SLC35C1: variants seen among roughly 807,000 people sequenced by gnomAD.
SLC35C1 encodes the protein solute carrier family 35 member C1.
SLC35C1 carries 8 observed loss-of-function variants against 23.2 expected under a neutral mutation model. The ratio of observed to expected loss-of-function variants is 0.35; its 90% CI spans 0.20 to 0.62. The LOEUF (loss-of-function observed/expected upper bound fraction) is 0.62. Among genes scored for constraint, SLC35C1 ranks in the 20% least tolerant of loss-of-function variants. The pLI, the probability that SLC35C1 is intolerant of heterozygous loss-of-function variation, is 0.75. For missense variants in SLC35C1, 422 were observed against 478.6 expected (o/e 0.88, Z 1.10); for synonymous variants, 226 against 225.1 (o/e 1.00, Z -0.04).
intron 1 of SLC35C1, chr11:45,810,456 T>A (rs773952965): frequency 4.1e-6 from 4 of 985,456 alleles, no homozygotes; most frequent in Non-Finnish European, 4.8e-6. Context: ...CACCTTGTAC[T>A]ACTTTATGGA....
rs2085865383 is a variant in SLC35C1, at chr11:45,805,859, T to G, written c.58T>G (p.Ser20Ala). ...CCTGCACATGGCGCTGACCGGGGCCTCAGACCCCTCTGCAGAGGCAGAGGC... is the reference window on the plus strand; with the variant it reads ...CCTGCACATGGCGCTGACCGGGGCCGCAGACCCCTCTGCAGAGGCAGAGGC... ...RILHMALTGA[S>A]DPSAEAEANG... Residue 20 changes from serine (S) to alanine (A), a missense_variant, in exon 1 of 2, where the codon TCA (serine) becomes GCA (alanine). Ser to Ala is a moderately conservative substitution (Grantham distance 99, BLOSUM62 1). Coordinates refer to ENST00000314134, the MANE Select transcript of SLC35C1 (RefSeq NM_018389.5). 5.0e-6 allele frequency: 8 copies of G among 1,614,128 alleles called. No individual in the cohort carries two copies. The East Asian group carries it at 1.8e-4, about 36-fold the overall frequency.
intron 1 of SLC35C1, among the ~76,000 whole-genome samples, chr11:45,808,633 GC>G (rs1314016848): frequency 6.6e-6 from 1 of 152,204 alleles, no homozygotes; most frequent in Non-Finnish European, 1.5e-5. Context: ...GCAGCCCTCT[GC>G]CCCCCTCACC....
In SLC35C1 at chr11:45,811,010, A is replaced by T; in HGVS notation, c.770A>T (p.Asp257Val). 6.2e-7 allele frequency: 1 copy of T among 1,612,920 alleles called. No homozygotes were observed. The highest frequency in any genetic ancestry group is 8.5e-7 in the Non-Finnish European group (1 of 1,180,022). Residue 257 changes from aspartate (D) to valine (V), a missense_variant, in exon 2 of 2, where the codon GAC becomes GTC. Asp to Val is a radical substitution (Grantham distance 152). Transcript: ENST00000314134. ...LLLGELQALRDFAQLGSAHFW... is the reference protein window; with the variant it reads ...LLLGELQALRVFAQLGSAHFW... ...CTCGGGGAGCTTCAGGCCCTGCGTG[A>T]CTTTGCCCAGCTGGGCAGTGCCCAC...
rs1433902068 is a variant in SLC35C1, at chr11:45,812,270, C to G, written c.*935C>G. ...TAGGAGCCTTCCACCCCAGCTGTGT[C>G]TGGCGCCCCTAGATCTCTGCAAGGG... On this transcript the variant is annotated 3_prime_UTR_variant, in exon 2 of 2. Transcript: ENST00000314134. 6 of 290,530 alleles carry G rather than the reference C, an allele frequency of 2.1e-5. No individual in the cohort carries two copies. Among genetic ancestry groups the G allele is most frequent in the African/African-American group, 1.3e-4 (6 of 46,088 alleles). 18.0% of individuals were successfully genotyped at this position (290,530 alleles called of 1,614,324 possible).
At chr11:45,804,351 C>A, upstream of SLC35C1, 1 of 404,550 alleles carries the variant, frequency 2.5e-6, no homozygotes, top group Non-Finnish European at 3.3e-6. Context: ...ATCCCGCGGG[C>A]GCGGCCCAGG....
At position 45,806,031 on chromosome 11, in the gene SLC35C1, C is replaced by A; in HGVS notation, c.230C>A (p.Thr77Asn). The A allele has an allele frequency of 6.2e-7, 1 of 1,613,914 alleles. No individual in the cohort carries two copies. The highest frequency in any genetic ancestry group is 8.5e-7 in the Non-Finnish European group (1 of 1,180,018). Reference protein sequence around the residue: ...SLRLDTPIFVTFYQCLVTTLL... With the variant: ...SLRLDTPIFVNFYQCLVTTLL... The stretch of plus-strand genomic sequence containing the variant: ...CGGCTGGACACCCCCATCTTCGTCA[C>A]CTTCTACCAGTGCCTGGTGACCACG... Residue 77 changes from threonine (T) to asparagine (N), a missense_variant, in exon 1 of 2, where the codon ACC (threonine) becomes AAC (asparagine). By Grantham distance (65) the Thr-to-Asn change is moderately conservative. Transcript: ENST00000314134.
In SLC35C1 at chr11:45,807,377, C is replaced by G. The variant is rs77001485; in HGVS notation, c.535+1041C>G. ...AGCCACATTTCAAGGGCTCAGTAGCCAAATGTGGCTGAGGGCTATGGTATG... is the reference window on the plus strand; with the variant it reads ...AGCCACATTTCAAGGGCTCAGTAGCGAAATGTGGCTGAGGGCTATGGTATG... On this transcript the variant is annotated intron_variant, in intron 1 of 1. Transcript: ENST00000314134. Among the ~76,000 whole-genome samples, 844 of 152,290 alleles carry G rather than the reference C, an allele frequency of 5.5e-3. 12 individuals carry two copies. Among genetic ancestry groups the G allele is most frequent in the African/African-American group, 0.019 (790 of 41,548 alleles).
intron 1 of SLC35C1, chr11:45,809,738 C>T (rs778228889): frequency 5.5e-5 from 54 of 985,110 alleles, no homozygotes; most frequent in Non-Finnish European, 6.5e-5. Context: ...ATCCCTCTGA[C>T]CCCAAAACTT....
At chr11:45,809,736 G>C (rs1442812179) in intron 1 of SLC35C1, 1 of 985,136 alleles carries the variant, frequency 1.0e-6, no homozygotes, top group Non-Finnish European at 1.2e-6. Flanking sequence ...AAATCCCTCT[G>C]ACCCCAAAAC....
At position 45,805,334 on chromosome 11, in the gene SLC35C1, T is replaced by TG; in HGVS notation, c.-467dup. On this transcript the variant is annotated 5_prime_UTR_variant, in exon 1 of 2. Transcript: ENST00000314134. ...AGCTCCCTGTACGCCTCCCTCCCCC[T>TG]GCCCGCCCCTCCCTCCCACAGCCGC... The TG allele has an allele frequency of 5.6e-4, 117 of 209,196 alleles. No homozygotes were observed. Among genetic ancestry groups the TG allele is most frequent in the Middle Eastern group, 2.3e-3 (1 of 436 alleles). 13.0% of individuals were successfully genotyped at this position (209,196 alleles called of 1,614,324 possible).
Position 45,811,295 on chromosome 11 carries a change from C to T in SLC35C1, c.1055C>T (p.Pro352Leu), listed in dbSNP as rs200843978. The change falls in exon 2 of 2, where the codon CCC becomes CTC. Residue 352 changes from proline (P) to leucine (L), a missense_variant. Pro to Leu is a moderately conservative substitution (Grantham distance 98, BLOSUM62 -3). Coordinates refer to ENST00000314134, the MANE Select transcript of SLC35C1 (RefSeq NM_018389.5). The stretch of plus-strand genomic sequence containing the variant: ...GAGATGAAGAAGACTCCGGAGGAGC[C>T]CAGCCCCAAAGACAGCGAGAAGAGC... ...GWEMKKTPEE[P>L]SPKDSEKSAM... The T allele has an allele frequency of 1.9e-6, 3 of 1,556,328 alleles. No individual in the cohort carries two copies. The highest frequency in any genetic ancestry group is 2.6e-6 in the Non-Finnish European group (3 of 1,157,460).
At chr11:45,806,475 C>A in intron 1 of SLC35C1, 139 bp downstream of exon 1, 1 of 1,200,432 alleles carries the variant, frequency 8.3e-7, no homozygotes, top group Non-Finnish European at 1.2e-6. Flanking sequence ...AGCCTGGGGG[C>A]ACAGAGAGAG....
Position 45,805,625 on chromosome 11 carries a change from G to T in SLC35C1, c.-177G>T, listed in dbSNP as rs2085861552. ...AGTAGGTTGTGGAGCAGCACAACTGGGCTCACCCCAAAGCAGAACTTCTCA... is the reference window on the plus strand; with the variant it reads ...AGTAGGTTGTGGAGCAGCACAACTGTGCTCACCCCAAAGCAGAACTTCTCA... On this transcript the variant is annotated 5_prime_UTR_variant, in exon 1 of 2. Coordinates refer to ENST00000314134, the MANE Select transcript of SLC35C1 (RefSeq NM_018389.5). 1 of 1,488,252 alleles carries T rather than the reference G, an allele frequency of 6.7e-7. No homozygotes were observed. The allele number at this position is 1,488,252 out of a possible 1,614,324, so 92.2% of individuals were successfully genotyped here. A position where few individuals can be genotyped will look rare whatever the true frequency, so the allele number is the denominator to read the frequency against.
chr11:45,806,352 G>T lies in SLC35C1; in HGVS notation c.535+16G>T. The T allele has an allele frequency of 6.2e-7, 1 of 1,611,200 alleles. No individual in the cohort carries two copies. On this transcript the variant is annotated intron_variant, in intron 1 of 1. Transcript: ENST00000314134. Reference sequence around the variant, plus strand: ...ATCATCATCGGTGAGTGGCAGCTGGGGCCACGGGGGATAGAGTGGTCATGG... The same window carrying T: ...ATCATCATCGGTGAGTGGCAGCTGGTGCCACGGGGGATAGAGTGGTCATGG...
At position 45,811,293 on chromosome 11, in the gene SLC35C1, G is replaced by C. The variant is rs764451718; in HGVS notation, c.1053G>C (p.Glu351Asp). Residue 351 changes from glutamate (E) to aspartate (D), a missense_variant, in exon 2 of 2, where the codon GAG becomes GAC. Glu to Asp is a conservative substitution (Grantham distance 45, BLOSUM62 2). Transcript: ENST00000314134. Reference protein sequence around the residue: ...RGWEMKKTPEEPSPKDSEKSA... With the variant: ...RGWEMKKTPEDPSPKDSEKSA... ...GGGAGATGAAGAAGACTCCGGAGGA[G>C]CCCAGCCCCAAAGACAGCGAGAAGA... 5.1e-6 allele frequency: 8 copies of C among 1,556,350 alleles called. No homozygotes were observed. Among genetic ancestry groups the C allele is most frequent in the Non-Finnish European group, 6.9e-6 (8 of 1,157,202 alleles).
rs2085963976 is a variant in SLC35C1 at position 45,812,721 on chromosome 11, T to C, written c.*1386T>C. On this transcript the variant is annotated 3_prime_UTR_variant, in exon 2 of 2. Coordinates refer to ENST00000314134, the MANE Select transcript of SLC35C1 (RefSeq NM_018389.5). Reference sequence around the variant, plus strand: ...GTCACCTTGGGGGTGAGAATTCCAATGTGAATTTGCAGGGGGAGTGGGGGA... The same window carrying C: ...GTCACCTTGGGGGTGAGAATTCCAACGTGAATTTGCAGGGGGAGTGGGGGA... The C allele has an allele frequency of 2.2e-6, 1 of 450,308 alleles. No individual in the cohort carries two copies. The highest frequency in any genetic ancestry group is 4.5e-6 in the Non-Finnish European group (1 of 222,792). 27.9% of individuals were successfully genotyped at this position (450,308 alleles called of 1,614,324 possible).
chr11:45,807,817 C>T lies in SLC35C1; in HGVS notation c.535+1481C>T, dbSNP rs187176217. ...CCCAGCCTGCTTCCATTTCCCTCTC[C>T]AGGGAACAGGTGTACCTCCCCTCCT... On this transcript the variant is annotated intron_variant, in intron 1 of 1. Transcript: ENST00000314134. Among the ~76,000 whole-genome samples the T allele has an allele frequency of 1.1e-3, 171 of 152,276 alleles. 1 individual carries two copies. Among genetic ancestry groups the T allele is most frequent in the African/African-American group, 3.9e-3 (162 of 41,560 alleles).
At chr11:45,810,320 T>C (rs2085924719) in intron 1 of SLC35C1, 1 of 985,306 alleles carries the variant, frequency 1.0e-6, no homozygotes. Context: ...ACACTGGAAG[T>C]CATTTACGCA....
chr11:45,811,034 A>G lies in SLC35C1; in HGVS notation c.794A>G (p.His265Arg). 1 of 1,612,954 alleles carries G rather than the reference A, an allele frequency of 6.2e-7. No homozygotes were observed. Among genetic ancestry groups the G allele is most frequent in the Non-Finnish European group, 8.5e-7 (1 of 1,179,994 alleles). Residue 265 changes from histidine (H) to arginine (R), a missense_variant, in exon 2 of 2, where the codon CAC (histidine) becomes CGC (arginine). Transcript: ENST00000314134. Reference protein sequence around the residue: ...LRDFAQLGSAHFWGMMTLGGL... With the variant: ...LRDFAQLGSARFWGMMTLGGL... ...GACTTTGCCCAGCTGGGCAGTGCCCACTTCTGGGGGATGATGACGCTGGGC... is the reference window on the plus strand; with the variant it reads ...GACTTTGCCCAGCTGGGCAGTGCCCGCTTCTGGGGGATGATGACGCTGGGC...
Sources: allele counts gnomAD v4.1 joint callset (sites outside exome capture counted in the v4.1 genomes callset), GRCh38; gene constraint gnomAD v4.1.1; transcripts MANE v1.5; gene names NCBI Gene and HGNC (gene_info 2026-07-23, HGNC 2026-07-21).